The following C9orf153 variants were observed in gnomAD, a reference collection of about 807,000 sequenced individuals.
C9orf153 encodes the protein chromosome 9 open reading frame 153, also known as uncharacterized protein C9orf153.
A neutral mutation model predicts 9.0 loss-of-function variants in C9orf153; 10 were observed. That is an observed-to-expected ratio of 1.11 (90% CI 0.69 to 1.89). C9orf153 has a LOEUF of 1.89. C9orf153 is among the 40% of genes most tolerant of loss of function. The pLI is 0.00. For synonymous variants in C9orf153, 35 were observed against 37.3 expected (o/e 0.94, Z 0.23); for missense variants, 108 against 111.0 (o/e 0.97, Z 0.12).
chr9:86,247,233 A>G (rs1002726314), intron 1 of C9orf153, among the ~76,000 whole-genome samples: 3 of 152,212 alleles, frequency 2.0e-5, no homozygotes, highest in Admixed American at 6.5e-5. Flanking sequence ...GGATCAAAGC[A>G]GAACTCTTTG....
chr9:86,241,992 G>C (rs779846013), intron 1 of C9orf153, among the ~76,000 whole-genome samples: 2 of 152,168 alleles, frequency 1.3e-5, no homozygotes, highest in Non-Finnish European at 2.9e-5. Flanking sequence ...AAGTGAATTC[G>C]TAAGTTTGAA....
At chr9:86,225,122 A>G (rs1039183665) in intron 3 of C9orf153, among the ~76,000 whole-genome samples, 5 of 152,108 alleles carry the variant, frequency 3.3e-5, no homozygotes, top group African/African-American at 1.2e-4. Flanking sequence ...AAACGGCAAC[A>G]CCCACTCTCT....
intron 1 of C9orf153, among the ~76,000 whole-genome samples, chr9:86,253,610 A>G (rs1825041526): frequency 1.3e-5 from 2 of 152,230 alleles, no homozygotes; most frequent in African/African-American, 4.8e-5. Flanking sequence ...TGTTTATTAA[A>G]GACATGGGAT....
intron 2 of C9orf153, among the ~76,000 whole-genome samples, chr9:86,229,260 G>GAAA (rs112787729): frequency 3.6e-5 from 5 of 139,628 alleles, no homozygotes; most frequent in Admixed American, 2.9e-4. Flanking sequence ...TTTTCCTAAA[G>GAAA]AAAAAAAAAA....
At chr9:86,244,289 G>T (rs1175513259) in intron 1 of C9orf153, among the ~76,000 whole-genome samples, 2 of 151,978 alleles carry the variant, frequency 1.3e-5, no homozygotes. Flanking sequence ...TGCCCAGCTG[G>T]TCTCCAACTC....
chr9:86,251,740 T>C (rs960227798), intron 1 of C9orf153, among the ~76,000 whole-genome samples: 33 of 152,306 alleles, frequency 2.2e-4, no homozygotes, highest in African/African-American at 6.7e-4. Context: ...GGAAACCTTA[T>C]CGCGTGTGGT....
chr9:86,242,953 A>G (rs1824781053), intron 1 of C9orf153, among the ~76,000 whole-genome samples: 1 of 152,242 alleles, frequency 6.6e-6, no homozygotes, highest in South Asian at 2.1e-4. Flanking sequence ...TGTTGGGATT[A>G]CAGGCGTGAA....
At chr9:86,222,255 AATTGAGTGG>A (rs926174496) in intron 3 of C9orf153, among the ~76,000 whole-genome samples, 3 of 152,044 alleles carry the variant, frequency 2.0e-5, no homozygotes, top group African/African-American at 7.2e-5. Context: ...CCTAAACAGC[AATTGAGTGG>A]GTCTGGCTAA....
At chr9:86,224,970 C>T (rs1382803062) in intron 3 of C9orf153, among the ~76,000 whole-genome samples, 2 of 150,242 alleles carry the variant, frequency 1.3e-5, no homozygotes, top group South Asian at 2.1e-4. Context: ...AGCATTGTTC[C>T]GGCCCTTGTC....
chr9:86,251,700 A>G (rs1323829591), intron 1 of C9orf153, among the ~76,000 whole-genome samples: 1 of 152,146 alleles, frequency 6.6e-6, no homozygotes, highest in Non-Finnish European at 1.5e-5. Flanking sequence ...GAAAGAATAA[A>G]AAAATTGTAA....
At chr9:86,254,876 C>G (rs950873858) in intron 1 of C9orf153, among the ~76,000 whole-genome samples, 5 of 152,090 alleles carry the variant, frequency 3.3e-5, no homozygotes, top group African/African-American at 1.2e-4. Flanking sequence ...GCCAGCCTGG[C>G]AAACATGGTG....
chr9:86,229,418 C>T (rs1319179947), intron 2 of C9orf153, 120 bp downstream of exon 2: 3 of 652,726 alleles, frequency 4.6e-6, no homozygotes, highest in Non-Finnish European at 8.0e-6. Flanking sequence ...ATTAAAGTGA[C>T]ATTTTGGAGT....
At chr9:86,250,769 T>C (rs1314220733) in intron 1 of C9orf153, among the ~76,000 whole-genome samples, 1 of 152,224 alleles carries the variant, frequency 6.6e-6, no homozygotes, top group Non-Finnish European at 1.5e-5. Context: ...ACTGTGTTTG[T>C]TTATTTAATC....
intron 2 of C9orf153, among the ~76,000 whole-genome samples, chr9:86,228,466 C>T (rs1454799558): frequency 6.6e-6 from 1 of 152,118 alleles, no homozygotes; most frequent in African/African-American, 2.4e-5. Flanking sequence ...AGAGCTTCAT[C>T]CTGTTGTCCA....
intron 1 of C9orf153, among the ~76,000 whole-genome samples, chr9:86,242,701 T>C (rs946074194): frequency 3.3e-5 from 5 of 152,164 alleles, no homozygotes; most frequent in Non-Finnish European, 7.4e-5. Flanking sequence ...TTTTTTTAGA[T>C]GGAGTCTCAC....
At chr9:86,225,443 TTC>T (rs1824306487) in intron 3 of C9orf153, among the ~76,000 whole-genome samples, 1 of 89,216 alleles carries the variant, frequency 1.1e-5, no homozygotes, top group African/African-American at 5.3e-5. Flanking sequence ...CCTTCCTTCC[TTC>T]CTCTCTTTCT....
chr9:86,248,189 A>G (rs1017472086), intron 1 of C9orf153, among the ~76,000 whole-genome samples: 1 of 152,084 alleles, frequency 6.6e-6, no homozygotes, highest in African/African-American at 2.4e-5. Context: ...GCTGGAGTGC[A>G]GTGGTGAGAT....
At chr9:86,227,424 G>A in intron 3 of C9orf153, 1 of 1,458,748 alleles carries the variant, frequency 6.9e-7, no homozygotes, top group Non-Finnish European at 9.0e-7. Context: ...ATTAATAGCA[G>A]CCATGAACCT....
intron 1 of C9orf153, among the ~76,000 whole-genome samples, chr9:86,251,339 GTC>G (rs1278344869): frequency 1.3e-5 from 2 of 152,126 alleles, no homozygotes; most frequent in Non-Finnish European, 2.9e-5. Context: ...TTTCGTTAGA[GTC>G]TATGTTTCTA....
Sources: allele counts gnomAD v4.1 joint callset (sites outside exome capture counted in the v4.1 genomes callset), GRCh38; gene constraint gnomAD v4.1.1; transcripts MANE v1.5; gene names NCBI Gene and HGNC (gene_info 2026-07-23, HGNC 2026-07-21).